MARCHF1: variants seen among roughly 807,000 people sequenced by gnomAD.
The protein encoded by MARCHF1 is E3 ubiquitin-protein ligase MARCHF1.
MARCHF1 carries 40 observed loss-of-function variants against 54.2 expected under a neutral mutation model. The ratio of observed to expected loss-of-function variants is 0.74; its 90% CI spans 0.57 to 0.96. The LOEUF is 0.96. MARCHF1 is among the 40% of genes least tolerant of loss of function. MARCHF1 has a pLI of 0.00. For missense variants in MARCHF1, 586 were observed against 656.5 expected (o/e 0.89, Z 1.17); for synonymous variants, 236 against 236.3 (o/e 1.00, Z 0.01).
At chr4:164,248,017 G>A (rs935601262) in intron 1 of MARCHF1, among the ~76,000 whole-genome samples, 1 of 151,342 alleles carries the variant, frequency 6.6e-6, no homozygotes, top group South Asian at 2.1e-4. Flanking sequence ...AGTAAACATG[G>A]GAAGCCATTG....
intron 3 of MARCHF1, among the ~76,000 whole-genome samples, chr4:163,969,553 A>G (rs1752508742): frequency 6.6e-6 from 1 of 152,152 alleles, no homozygotes; most frequent in South Asian, 2.1e-4. Flanking sequence ...AAAAGTAAAA[A>G]TGATTTTTCT....
chr4:163,783,323 A>G (rs984526275), intron 4 of MARCHF1, among the ~76,000 whole-genome samples: 1 of 152,222 alleles, frequency 6.6e-6, no homozygotes, highest in Admixed American at 6.5e-5. Flanking sequence ...AGCAGAACCT[A>G]TCCTGACTAG....
chr4:163,778,754 G>C (rs1747376323), intron 4 of MARCHF1, among the ~76,000 whole-genome samples: 1 of 152,064 alleles, frequency 6.6e-6, no homozygotes, highest in African/African-American at 2.4e-5. Flanking sequence ...GACACAGAAA[G>C]ACAAATACCA....
chr4:163,552,982 G>A lies in MARCHF1; in HGVS notation c.1192-7239C>T, dbSNP rs916106826. On this transcript the variant is annotated intron_variant, in intron 8 of 9. Coordinates refer to ENST00000514618, the MANE Select transcript of MARCHF1 (RefSeq NM_001394959.1). ...CGGGAGGCGGAGCTTGCAGTGAGCC[G>A]AGATCGCGCCACTGCCCTCCAGCCT... Among the ~76,000 whole-genome samples the A allele has an allele frequency of 4.7e-5, 7 of 148,636 alleles. No homozygotes were observed. The South Asian group carries it at 1.3e-3, about 27-fold the overall frequency.
At chr4:163,837,449 A>C (rs968356954) in intron 4 of MARCHF1, among the ~76,000 whole-genome samples, 19 of 152,194 alleles carry the variant, frequency 1.2e-4, no homozygotes, top group Non-Finnish European at 2.8e-4. Context: ...AAGAGACACA[A>C]CTTAAATATA....
intron 1 of MARCHF1, among the ~76,000 whole-genome samples, chr4:164,261,524 T>G (rs1382129680): frequency 1.3e-5 from 2 of 152,160 alleles, no homozygotes; most frequent in African/African-American, 4.8e-5. Flanking sequence ...TCCTAACACT[T>G]AAGCATAGCT....
intron 3 of MARCHF1, among the ~76,000 whole-genome samples, chr4:163,897,019 C>G (rs1020980865): frequency 1.3e-5 from 2 of 152,128 alleles, no homozygotes; most frequent in Non-Finnish European, 2.9e-5. Context: ...CTCTACTACT[C>G]GTGAATAATT....
intron 5 of MARCHF1, among the ~76,000 whole-genome samples, chr4:163,616,679 A>G (rs1741521501): frequency 6.6e-6 from 1 of 151,930 alleles, no homozygotes; most frequent in South Asian, 2.1e-4. Flanking sequence ...AGGTGTTTGA[A>G]GCTAGCCTGG....
At chr4:163,840,180 T>G (rs1749298402) in intron 4 of MARCHF1, among the ~76,000 whole-genome samples, 1 of 152,126 alleles carries the variant, frequency 6.6e-6, no homozygotes, top group South Asian at 2.1e-4. Flanking sequence ...AAATTATGCC[T>G]TTTACATTTC....
At chr4:164,242,670 A>T (rs1275289369) in intron 1 of MARCHF1, among the ~76,000 whole-genome samples, 1 of 152,230 alleles carries the variant, frequency 6.6e-6, no homozygotes, top group Non-Finnish European at 1.5e-5. Flanking sequence ...TCAGATGATC[A>T]AATTACTCTG....
Position 163,997,252 on chromosome 4 carries a change from G to A in MARCHF1, c.-247-8543C>T, listed in dbSNP as rs752992960. ...GTTACCCTACATGTTGGTTACAGGGGGCTTGAAGGAGCTGTTTGAGGCTAA... is the reference window on the plus strand; with the variant it reads ...GTTACCCTACATGTTGGTTACAGGGAGCTTGAAGGAGCTGTTTGAGGCTAA... On this transcript the variant is annotated intron_variant, in intron 2 of 9. Coordinates refer to ENST00000514618, the MANE Select transcript of MARCHF1 (RefSeq NM_001394959.1). 3.2e-4 allele frequency among the ~76,000 whole-genome samples: 49 copies of A among 152,072 alleles called. No homozygotes were observed. In the Middle Eastern group the frequency reaches 0.017, roughly 53 times the overall value.
intron 5 of MARCHF1, among the ~76,000 whole-genome samples, chr4:163,615,936 A>G (rs1741494718): frequency 6.6e-6 from 1 of 152,164 alleles, no homozygotes; most frequent in African/African-American, 2.4e-5. Context: ...TTTATAGCCA[A>G]CTGATTTTCA....
At chr4:164,007,662 G>C (rs1332247543) in intron 2 of MARCHF1, among the ~76,000 whole-genome samples, 61 of 151,122 alleles carry the variant, frequency 4.0e-4, no homozygotes, top group East Asian at 1.8e-3. Flanking sequence ...GTGTGTGTGT[G>C]TGTGTGTGTG....
chr4:163,612,727 C>T lies in MARCHF1; in HGVS notation c.554G>A (p.Arg185Lys), dbSNP rs184323340. Residue 185 changes from arginine to lysine, a missense_variant, in exon 7 of 10, where the codon AGA becomes AAA. Around this residue, in one of 3 missense-constraint regions of MARCHF1, gnomAD observed 387 missense variants for 394.6 expected, o/e 0.98. Transcript: ENST00000514618. ...CTTATTATTATTTCTCCTCCTTCTT[C>T]TTGACAGTCTGAATTTAACCTGGGC... ...RRAQVKFRLS[R>K]RRRRNNNKPC... 272 of 1,535,522 alleles carry T rather than the reference C, an allele frequency of 1.8e-4. No individual in the cohort carries two copies. The African/African-American group carries it at 3.1e-3, about 18-fold the overall frequency.
At chr4:163,878,419 G>T (rs1750340730) in intron 3 of MARCHF1, among the ~76,000 whole-genome samples, 1 of 152,190 alleles carries the variant, frequency 6.6e-6, no homozygotes, top group African/African-American at 2.4e-5. Context: ...CTTTTGGGTT[G>T]TCTGGGTTTT....
intron 1 of MARCHF1, among the ~76,000 whole-genome samples, chr4:164,347,789 CTG>C (rs1730149991): frequency 6.6e-6 from 1 of 151,992 alleles, no homozygotes; most frequent in Non-Finnish European, 1.5e-5. Context: ...GTAGGGTAAA[CTG>C]GAAACAAAAA....
intron 1 of MARCHF1, among the ~76,000 whole-genome samples, chr4:164,317,286 C>A (rs1735024760): frequency 6.6e-6 from 1 of 152,102 alleles, no homozygotes; most frequent in Non-Finnish European, 1.5e-5. Flanking sequence ...CTGTATAATA[C>A]AACATCTAAA....
intron 8 of MARCHF1, among the ~76,000 whole-genome samples, chr4:163,550,652 C>T (rs1739080983): frequency 6.6e-6 from 1 of 151,968 alleles, no homozygotes; most frequent in African/African-American, 2.4e-5. Context: ...TTGCTGCAGA[C>T]GAGCGAAAAT....
chr4:164,374,120 A>T (rs1270151401), intron 1 of MARCHF1, among the ~76,000 whole-genome samples: 2 of 152,236 alleles, frequency 1.3e-5, no homozygotes, highest in Non-Finnish European at 2.9e-5. Context: ...ACAGAATAGA[A>T]ATTAGCATGA....
Sources: gnomAD v4.1 joint callset for allele counts (sites outside exome capture counted in the v4.1 genomes callset) on GRCh38, gnomAD v4.1.1 for gene constraint, gnomAD v4.1.1 regional missense constraint, MANE v1.5 for transcripts, NCBI Gene and HGNC (gene_info 2026-07-23, HGNC 2026-07-21) for gene names.